KIAA0232: variants seen among roughly 807,000 people sequenced by gnomAD.
KIAA0232 encodes the protein KIAA0232.
A neutral mutation model predicts 122.0 loss-of-function variants in KIAA0232; 27 were observed. The ratio of observed to expected loss-of-function variants is 0.22; its 90% CI spans 0.16 to 0.31. The LOEUF is 0.31. KIAA0232 is among the 10% of genes least tolerant of loss of function. The probability of loss-of-function intolerance (pLI) is 1.00; values close to 1 mark genes in which losing one functional copy is unlikely to be tolerated. For missense variants in KIAA0232, 1,551 were observed against 1,634.2 expected, an observed-to-expected ratio of 0.95 and a Z score of 0.88; for synonymous variants, 613 against 587.6, an observed-to-expected ratio of 1.04 and a Z score of -0.63.
intron 1 of KIAA0232, among the ~76,000 whole-genome samples, chr4:6,797,462 T>G (rs1275670978): frequency 6.6e-6 from 1 of 152,164 alleles, no homozygotes; most frequent in Non-Finnish European, 1.5e-5. Flanking sequence ...AGACTTCGCT[T>G]TAACCCTCAA....
intron 3 of KIAA0232, 95 bp downstream of exon 3, chr4:6,824,779 A>G (rs780535863): frequency 2.2e-5 from 23 of 1,029,452 alleles, no homozygotes; most frequent in Admixed American, 4.2e-5. Flanking sequence ...AAACTGAGCT[A>G]TTCATGTGTG....
intron 7 of KIAA0232, among the ~76,000 whole-genome samples, chr4:6,868,652 C>A (rs1441627279): frequency 6.6e-6 from 1 of 152,194 alleles, no homozygotes; most frequent in East Asian, 1.9e-4. Context: ...ACCTTCTGAT[C>A]CGCTTTCAGC....
intron 1 of KIAA0232, among the ~76,000 whole-genome samples, chr4:6,786,741 G>A (rs1362830052): frequency 1.3e-5 from 2 of 152,112 alleles, no homozygotes; most frequent in Non-Finnish European, 2.9e-5. Flanking sequence ...CACATAAGTG[G>A]TATTTTATAC....
chr4:6,851,179 T>C (rs1720263116), intron 4 of KIAA0232, among the ~76,000 whole-genome samples: 1 of 152,236 alleles, frequency 6.6e-6, no homozygotes, highest in Admixed American at 6.5e-5. Flanking sequence ...TGCCCATTAG[T>C]GGCCTCCTTA....
At chr4:6,798,918 G>A (rs1475029481) in intron 1 of KIAA0232, among the ~76,000 whole-genome samples, 1 of 152,152 alleles carries the variant, frequency 6.6e-6, no homozygotes, top group Non-Finnish European at 1.5e-5. Flanking sequence ...GTGTAGGGGA[G>A]GAAGTCAGAG....
intron 2 of KIAA0232, among the ~76,000 whole-genome samples, chr4:6,814,841 A>G (rs1718045798): frequency 6.6e-6 from 1 of 152,198 alleles, no homozygotes. Flanking sequence ...ATAAACTTTT[A>G]TGGGAACTAT....
intron 2 of KIAA0232, among the ~76,000 whole-genome samples, chr4:6,821,006 C>T (rs1450070670): frequency 6.6e-6 from 1 of 152,170 alleles, no homozygotes; most frequent in Non-Finnish European, 1.5e-5. Context: ...CAGGAGCCCA[C>T]TCCTGTGACA....
At chr4:6,833,410 A>G (rs1277158857) in intron 3 of KIAA0232, among the ~76,000 whole-genome samples, 1 of 152,010 alleles carries the variant, frequency 6.6e-6, no homozygotes, top group African/African-American at 2.4e-5. Context: ...CCATGCTATT[A>G]CTTGAGCCCA....
At chr4:6,826,606 G>T (rs1718700490) in intron 3 of KIAA0232, among the ~76,000 whole-genome samples, 1 of 151,068 alleles carries the variant, frequency 6.6e-6, no homozygotes, top group Non-Finnish European at 1.5e-5. Flanking sequence ...CTGGGCTCAA[G>T]CGATCTTCCT....
chr4:6,804,096 A>G (rs544420462), intron 1 of KIAA0232, among the ~76,000 whole-genome samples: 2 of 152,368 alleles, frequency 1.3e-5, no homozygotes, highest in Admixed American at 1.3e-4. Context: ...AGAGTTCCAT[A>G]AGATAAACAT....
At chr4:6,828,455 A>G (rs544103431) in intron 3 of KIAA0232, among the ~76,000 whole-genome samples, 2 of 152,218 alleles carry the variant, frequency 1.3e-5, no homozygotes, top group Non-Finnish European at 2.9e-5. Context: ...GGGAGCTCTC[A>G]TGTTTTCTTC....
At chr4:6,831,088 C>G (rs577595531) in intron 3 of KIAA0232, among the ~76,000 whole-genome samples, 9 of 151,876 alleles carry the variant, frequency 5.9e-5, no homozygotes, top group Non-Finnish European at 2.9e-5. Flanking sequence ...CGGAGTCTCG[C>G]CCTGTCGCCC....
chr4:6,821,712 A>ATATG (rs1402817373), intron 2 of KIAA0232, among the ~76,000 whole-genome samples: 1 of 151,918 alleles, frequency 6.6e-6, no homozygotes, highest in Non-Finnish European at 1.5e-5. Flanking sequence ...GTGTATATAT[A>ATATG]TATATGTATA....
At chr4:6,841,592 G>A (rs1719664955) in intron 3 of KIAA0232, among the ~76,000 whole-genome samples, 1 of 152,088 alleles carries the variant, frequency 6.6e-6, no homozygotes, top group Admixed American at 6.5e-5. Flanking sequence ...AGTTAGGTAA[G>A]GAAAAGACAT....
intron 3 of KIAA0232, among the ~76,000 whole-genome samples, chr4:6,825,812 T>C (rs1718647249): frequency 6.6e-6 from 1 of 152,120 alleles, no homozygotes; most frequent in Non-Finnish European, 1.5e-5. Context: ...TGGGCAGTTT[T>C]TGTTGCAGTT....
intron 3 of KIAA0232, among the ~76,000 whole-genome samples, chr4:6,831,460 G>A (rs1718976151): frequency 6.6e-6 from 1 of 152,052 alleles, no homozygotes; most frequent in Non-Finnish European, 1.5e-5. Context: ...GGTGTTGGAT[G>A]GTTAGATTTC....
At chr4:6,783,804 C>T (rs1430006462) in intron 1 of KIAA0232, among the ~76,000 whole-genome samples, 5 of 152,134 alleles carry the variant, frequency 3.3e-5, no homozygotes, top group African/African-American at 1.2e-4. Flanking sequence ...CGCGGCAAAC[C>T]CTGTCGCGAG....
At chr4:6,804,636 G>C (rs1717533943) in intron 2 of KIAA0232, 30 bp downstream of exon 2, 1 of 152,160 alleles carries the variant, frequency 6.6e-6, no homozygotes, top group Non-Finnish European at 1.5e-5. Context: ...TGGGAAATGG[G>C]AAAATGTGGA....
intron 2 of KIAA0232, among the ~76,000 whole-genome samples, chr4:6,805,562 T>G (rs1057095605): frequency 6.6e-6 from 1 of 152,186 alleles, no homozygotes; most frequent in Non-Finnish European, 1.5e-5. Context: ...AATTTTATGC[T>G]ACCTTTACCT....
Sources: allele counts gnomAD v4.1 joint callset (sites outside exome capture counted in the v4.1 genomes callset), GRCh38; gene constraint gnomAD v4.1.1; transcripts MANE v1.5; gene names NCBI Gene and HGNC (gene_info 2026-07-23, HGNC 2026-07-21).